CFAP95: variants seen among roughly 807,000 people sequenced by gnomAD.
CFAP95 encodes cilia- and flagella-associated protein 95.
At chr9:69,832,739 A>C in the CFAP95 span, among the ~76,000 whole-genome samples, 145,408 of 146,072 alleles carry the variant, frequency 1, 72,375 homozygotes, top group Non-Finnish European at 1. Context: ...TACATGTGCA[A>C]AACGTGCAGG....
chr9:69,824,356 G>A, the CFAP95 span, among the ~76,000 whole-genome samples: 2 of 152,138 alleles, frequency 1.3e-5, no homozygotes, highest in African/African-American at 2.4e-5. Context: ...CACTTGCTAC[G>A]ATTTATTTGT....
the CFAP95 span, chr9:69,821,082 G>A: frequency 6.3e-7 from 1 of 1,594,716 alleles, no homozygotes; most frequent in Non-Finnish European, 8.5e-7. Flanking sequence ...AGGAAAGAGA[G>A]GGGAAAGGAT....
the CFAP95 span, among the ~76,000 whole-genome samples, chr9:69,890,751 A>G: frequency 2.6e-5 from 4 of 152,346 alleles, no homozygotes; most frequent in East Asian, 7.7e-4. Context: ...TTGTGCATAA[A>G]TTGAGACTTG....
chr9:69,875,821 T>G, the CFAP95 span, among the ~76,000 whole-genome samples: 1 of 152,340 alleles, frequency 6.6e-6, no homozygotes, highest in East Asian at 1.9e-4. Flanking sequence ...TGCTTCAATG[T>G]TTTTAAAGAA....
At chr9:69,876,410 G>A in the CFAP95 span, among the ~76,000 whole-genome samples, 79 of 151,900 alleles carry the variant, frequency 5.2e-4, no homozygotes, top group Non-Finnish European at 9.7e-4. Flanking sequence ...ATGCATGCCT[G>A]TAGTTCCAGC....
At chr9:69,872,691 A>T in the CFAP95 span, among the ~76,000 whole-genome samples, 2 of 152,182 alleles carry the variant, frequency 1.3e-5, no homozygotes, top group African/African-American at 4.8e-5. Flanking sequence ...ATCTCTAAAA[A>T]ATAGGCCTGG....
the CFAP95 span, among the ~76,000 whole-genome samples, chr9:69,855,018 G>A: frequency 2.6e-5 from 4 of 152,142 alleles, no homozygotes; most frequent in Non-Finnish European, 4.4e-5. Flanking sequence ...GTTCCCACAC[G>A]TTTATAAAGA....
the CFAP95 span, among the ~76,000 whole-genome samples, chr9:69,895,136 C>T: frequency 1.3e-5 from 2 of 152,034 alleles, no homozygotes; most frequent in Non-Finnish European, 2.9e-5. Context: ...ATGTGATTAA[C>T]ATTTACAATC....
the CFAP95 span, among the ~76,000 whole-genome samples, chr9:69,860,767 C>A: frequency 6.6e-6 from 1 of 151,884 alleles, no homozygotes; most frequent in Non-Finnish European, 1.5e-5. Context: ...TTCTTAAAAA[C>A]AAAGACACAA....
At chr9:69,827,778 C>A in the CFAP95 span, among the ~76,000 whole-genome samples, 2 of 152,168 alleles carry the variant, frequency 1.3e-5, no homozygotes, top group Non-Finnish European at 2.9e-5. Flanking sequence ...ACTACAGATA[C>A]CTGTCAGGCT....
the CFAP95 span, among the ~76,000 whole-genome samples, chr9:69,870,027 A>C: frequency 6.6e-6 from 1 of 152,198 alleles, no homozygotes; most frequent in Non-Finnish European, 1.5e-5. Context: ...AGAATTTCAG[A>C]AGTCTTTGCT....
the CFAP95 span, among the ~76,000 whole-genome samples, chr9:69,875,713 T>C: frequency 6.6e-6 from 1 of 152,164 alleles, no homozygotes; most frequent in African/African-American, 2.4e-5. Flanking sequence ...CACAAACATA[T>C]TTTAAGATTA....
the CFAP95 span, among the ~76,000 whole-genome samples, chr9:69,836,274 C>T: frequency 3.9e-5 from 6 of 151,956 alleles, no homozygotes; most frequent in Non-Finnish European, 8.8e-5. Flanking sequence ...GTCTGGGGTG[C>T]AACTGTTCTC....
chr9:69,823,986 C>T, the CFAP95 span, among the ~76,000 whole-genome samples: 1 of 152,214 alleles, frequency 6.6e-6, no homozygotes, highest in South Asian at 2.1e-4. Context: ...TGTGTACGTG[C>T]AGGTCACCGG....
At chr9:69,902,362 C>G in the CFAP95 span, 1 of 453,966 alleles carries the variant, frequency 2.2e-6, no homozygotes, top group Admixed American at 2.4e-5. Flanking sequence ...CAGGTTTGAT[C>G]ATTGACATTC....
At chr9:69,867,480 A>G in the CFAP95 span, among the ~76,000 whole-genome samples, 1 of 152,266 alleles carries the variant, frequency 6.6e-6, no homozygotes, top group African/African-American at 2.4e-5. Flanking sequence ...AGATAGGCTT[A>G]TATGGTTTAT....
chr9:69,887,477 A>C, the CFAP95 span, among the ~76,000 whole-genome samples: 4 of 152,238 alleles, frequency 2.6e-5, no homozygotes, highest in African/African-American at 9.6e-5. Flanking sequence ...CAGGAGAACC[A>C]AGATATTAAT....
the CFAP95 span, among the ~76,000 whole-genome samples, chr9:69,881,012 A>G: frequency 6.7e-6 from 1 of 150,008 alleles, no homozygotes; most frequent in Non-Finnish European, 1.5e-5. Flanking sequence ...GGATTATTAG[A>G]TTTTTTTTTT....
At chr9:69,858,116 C>T in the CFAP95 span, 166 of 667,078 alleles carry the variant, frequency 2.5e-4, no homozygotes, top group Non-Finnish European at 4.5e-5. Flanking sequence ...TGCCTTTAAC[C>T]AAATGTTTTC....
Sources: allele counts gnomAD v4.1 joint callset (sites outside exome capture counted in the v4.1 genomes callset), GRCh38; gene constraint gnomAD v4.1.1; transcripts MANE v1.5; gene names NCBI Gene and HGNC (gene_info 2026-07-23, HGNC 2026-07-21).